GNG2: variants seen among roughly 807,000 people sequenced by gnomAD.
GNG2 encodes G protein subunit gamma 2.
GNG2 carries 5 observed loss-of-function variants against 5.5 expected under a neutral mutation model. The ratio of observed to expected loss-of-function variants is 0.91; its 90% CI spans 0.48 to 1.92. GNG2 has a LOEUF of 1.92. Ranked by LOEUF, GNG2 falls within the 30% of genes most tolerant of loss-of-function variation. The pLI is 0.01. For missense variants in GNG2, 55 were observed against 88.4 expected, an observed-to-expected ratio of 0.62 and a Z score of 1.52; for synonymous variants, 28 against 32.0, an observed-to-expected ratio of 0.88 and a Z score of 0.42.
intron 2 of GNG2, among the ~76,000 whole-genome samples, chr14:51,936,791 T>C (rs11621156): frequency 0.048 from 7,325 of 152,184 alleles, 242 homozygotes; most frequent in East Asian, 0.14. Context: ...GATCCTCTCA[T>C]CTCAGCCTCC....
intron 2 of GNG2, among the ~76,000 whole-genome samples, chr14:51,922,984 G>GT (rs1249663022): frequency 6.6e-6 from 1 of 152,192 alleles, no homozygotes; most frequent in Non-Finnish European, 1.5e-5. Context: ...GTCTTTAAAC[G>GT]TGCCAACATA....
At chr14:51,900,671 T>G (rs567474398) in intron 2 of GNG2, among the ~76,000 whole-genome samples, 2 of 151,784 alleles carry the variant, frequency 1.3e-5, no homozygotes, top group Non-Finnish European at 2.9e-5. Flanking sequence ...ACCAGTTCTG[T>G]GTCTTCTTTC....
chr14:51,879,102 T>C (rs973109405), intron 2 of GNG2, among the ~76,000 whole-genome samples: 1 of 152,264 alleles, frequency 6.6e-6, no homozygotes, highest in Non-Finnish European at 1.5e-5. Flanking sequence ...CATTGTGAAC[T>C]ACCGTGTCTT....
chr14:51,858,148 G>T (rs547100462), upstream of GNG2, among the ~76,000 whole-genome samples: 1 of 152,288 alleles, frequency 6.6e-6, no homozygotes, highest in East Asian at 1.9e-4. Flanking sequence ...ATTTTCCTAA[G>T]AAATTAACAC....
intron 3 of GNG2, 89 bp downstream of exon 3, chr14:51,950,854 G>A (rs998042727): frequency 6.1e-6 from 4 of 654,072 alleles, no homozygotes; most frequent in Non-Finnish European, 1.0e-5. Context: ...GATAAAACCA[G>A]TAATGACAGG....
chr14:51,867,605 T>C (rs1419858994), intron 1 of GNG2, among the ~76,000 whole-genome samples: 1 of 152,240 alleles, frequency 6.6e-6, no homozygotes. Flanking sequence ...GGTGTCTTAG[T>C]TGAGGCCCTC....
rs547437106 is a variant in GNG2 at position 51,941,567 on chromosome 14, G to A, written c.-29-9083G>A. ...GGAAGTCTGTCTGGATGCCACCCTT[G>A]AAAAACACCATTGAAGTATGAAAAG... On this transcript the variant is annotated intron_variant, in intron 2 of 3. Coordinates refer to ENST00000556766, the MANE Select transcript of GNG2 (RefSeq NM_053064.5). 7.6e-4 allele frequency among the ~76,000 whole-genome samples: 115 copies of A among 152,220 alleles called. 1 individual carries two copies. The highest frequency in any genetic ancestry group is 2.6e-3 in the African/African-American group (110 of 41,534).
intron 2 of GNG2, among the ~76,000 whole-genome samples, chr14:51,834,561 G>A (rs570672039): frequency 6.6e-6 from 1 of 152,332 alleles, no homozygotes; most frequent in Admixed American, 6.5e-5. Flanking sequence ...AGCTGCCTCT[G>A]TCTTACGCTC....
intron 2 of GNG2, among the ~76,000 whole-genome samples, chr14:51,843,590 A>G (rs1031319416): frequency 3.4e-5 from 5 of 148,032 alleles, no homozygotes; most frequent in African/African-American, 1.2e-4. Context: ...AAAAAAAAAA[A>G]ACTCAAATAT....
At chr14:51,909,643 C>A (rs1049003206) in intron 2 of GNG2, among the ~76,000 whole-genome samples, 19 of 152,168 alleles carry the variant, frequency 1.2e-4, no homozygotes, top group African/African-American at 3.4e-4. Context: ...GCAGAGGCAC[C>A]CACTTCAGAG....
In GNG2 at chr14:51,926,509, C is replaced by A. The variant is rs72678143; in HGVS notation, c.-29-24141C>A. Among the ~76,000 whole-genome samples, 390 of 152,274 alleles carry A rather than the reference C, an allele frequency of 2.6e-3. 1 individual carries two copies. The highest frequency in any genetic ancestry group is 4.3e-3 in the Non-Finnish European group (293 of 68,024). On this transcript the variant is annotated intron_variant, in intron 2 of 3. Transcript: ENST00000556766. ...CCTAGGCCACCTTTTTGGTGCTCAG[C>A]ACGTGGTGAGAAACCCAAAATGACC...
chr14:51,950,422 T>G (rs141820169), intron 2 of GNG2, among the ~76,000 whole-genome samples: 149 of 152,230 alleles, frequency 9.8e-4, no homozygotes, highest in African/African-American at 3.3e-3. Flanking sequence ...GTGTGTGTGT[T>G]TTTTTTCTCT....
intron 3 of GNG2, among the ~76,000 whole-genome samples, chr14:51,964,631 G>C (rs1261074327): frequency 6.6e-6 from 1 of 152,172 alleles, no homozygotes; most frequent in African/African-American, 2.4e-5. Flanking sequence ...AAAGGGAACA[G>C]AGACCCCAAA....
chr14:51,880,044 C>G (rs12435509), intron 2 of GNG2, among the ~76,000 whole-genome samples: 45,788 of 152,124 alleles, frequency 0.3, 7,772 homozygotes, highest in Non-Finnish European at 0.38. Context: ...CTCATCTTGA[C>G]TCTACAGTTC....
chr14:51,945,772 ATGTATG>A (rs897778600), intron 2 of GNG2, among the ~76,000 whole-genome samples: 5 of 123,400 alleles, frequency 4.1e-5, no homozygotes, highest in Non-Finnish European at 8.5e-5. Flanking sequence ...GGGTGTGTGC[ATGTATG>A]TGTATGTGTA....
intron 1 of GNG2, among the ~76,000 whole-genome samples, chr14:51,877,157 T>C (rs1001416873): frequency 3.9e-5 from 6 of 152,198 alleles, no homozygotes; most frequent in Admixed American, 2.6e-4. Context: ...AAGGGCCAGA[T>C]ACACACAAAC....
chr14:51,836,016 C>T (rs1566639204), intron 2 of GNG2, among the ~76,000 whole-genome samples: 1 of 151,340 alleles, frequency 6.6e-6, no homozygotes, highest in Non-Finnish European at 1.5e-5. Flanking sequence ...AAATTTATTT[C>T]TCACAGTTTT....
At chr14:51,906,360 A>C (rs1252782088) in intron 2 of GNG2, among the ~76,000 whole-genome samples, 1 of 152,150 alleles carries the variant, frequency 6.6e-6, no homozygotes, top group Non-Finnish European at 1.5e-5. Flanking sequence ...TTTTGTTTAA[A>C]ATTAGTATTC....
At chr14:51,923,096 G>A (rs1035820333) in intron 2 of GNG2, among the ~76,000 whole-genome samples, 2 of 152,128 alleles carry the variant, frequency 1.3e-5, no homozygotes, top group Non-Finnish European at 2.9e-5. Flanking sequence ...ATTTAAAAAT[G>A]ACAACTGAGC....
Sources: gnomAD v4.1 joint callset for allele counts (sites outside exome capture counted in the v4.1 genomes callset) on GRCh38, gnomAD v4.1.1 for gene constraint, MANE v1.5 for transcripts, NCBI Gene and HGNC (gene_info 2026-07-23, HGNC 2026-07-21) for gene names.